PLOD2: variants seen among roughly 807,000 people sequenced by gnomAD.
PLOD2 encodes lysine hydroxylase 2.
A neutral mutation model predicts 101.0 loss-of-function variants in PLOD2; 65 were observed. The ratio of observed to expected loss-of-function variants is 0.64; its 90% CI spans 0.53 to 0.79. PLOD2 has a LOEUF of 0.79. Among genes scored for constraint, PLOD2 ranks in the 30% least tolerant of loss-of-function variants. PLOD2 has a pLI of 0.00. For synonymous variants in PLOD2, 314 were observed against 302.9 expected (o/e 1.04, Z -0.38); for missense variants, 909 against 914.6 (o/e 0.99, Z 0.08).
intron 3 of PLOD2, among the ~76,000 whole-genome samples, chr3:146,115,044 G>C (rs1576605833): frequency 6.6e-6 from 1 of 152,128 alleles, no homozygotes; most frequent in African/African-American, 2.4e-5. Flanking sequence ...TGGTTTTGCG[G>C]CTTGGGGGGC....
rs1329807553 is a variant in PLOD2, at chr3:146,095,369, A to G, written c.778-3468T>C. ...CTTAAACAAATTTACAAGAAAAAAA[A>G]AAAAACCACTCCATCAAAAAGTGGT... On this transcript the variant is annotated intron_variant, in intron 7 of 19. Coordinates refer to ENST00000282903, the MANE Select transcript of PLOD2 (RefSeq NM_182943.3). Among the ~76,000 whole-genome samples, 5 of 152,032 alleles carry G rather than the reference A, an allele frequency of 3.3e-5. No homozygotes were observed. The East Asian group carries it at 9.6e-4, about 29-fold the overall frequency.
intron 11 of PLOD2, among the ~76,000 whole-genome samples, chr3:146,083,950 G>A (rs893149504): frequency 1.3e-5 from 2 of 151,596 alleles, no homozygotes; most frequent in African/African-American, 2.4e-5. Flanking sequence ...AATACATAGT[G>A]TAAATTCATT....
intron 1 of PLOD2, among the ~76,000 whole-genome samples, chr3:146,153,878 TC>T (rs960056430): frequency 1.0e-4 from 15 of 150,076 alleles, no homozygotes; most frequent in Non-Finnish European, 1.9e-4. Context: ...CAGAGGAAAG[TC>T]CTATCTCTCA....
Position 146,073,184 on chromosome 3 carries a change from G to A in PLOD2, c.1743+103C>T, listed in dbSNP as rs995932138. 7.3e-6 allele frequency: 4 copies of A among 549,558 alleles called. No homozygotes were observed. The African/African-American group carries it at 7.7e-5, about 11-fold the overall frequency. 34.0% of individuals were successfully genotyped at this position (549,558 alleles called of 1,614,324 possible). A position where few individuals can be genotyped will look rare whatever the true frequency, so the allele number is the denominator to read the frequency against. ...GAATCAAATAAATTTTACCTAAAAG[G>A]TAGTTTCTCCACTTTCACATCTTCT... On this transcript the variant is annotated intron_variant, in intron 16 of 19. Coordinates refer to ENST00000282903, the MANE Select transcript of PLOD2 (RefSeq NM_182943.3).
Position 146,079,103 on chromosome 3 carries a change from C to T in PLOD2, c.1500+13G>A, listed in dbSNP as rs1936441627. ...ATAAGAACATTCAAGCAAGCCATCA[C>T]TGCATATCTTACCATTTCTCTAGCA... On this transcript the variant is annotated intron_variant, in intron 13 of 19. Transcript: ENST00000282903. The T allele has an allele frequency of 1.2e-6, 2 of 1,611,428 alleles. No individual in the cohort carries two copies. Among genetic ancestry groups the T allele is most frequent in the African/African-American group, 2.7e-5 (2 of 74,838 alleles).
At chr3:146,099,879 A>ATTTTTTTTT (rs1559848289) in intron 7 of PLOD2, among the ~76,000 whole-genome samples, 3 of 123,202 alleles carry the variant, frequency 2.4e-5, no homozygotes, top group African/African-American at 9.7e-5. Flanking sequence ...ACAGTGACCA[A>ATTTTTTTTT]CTTTTTTTTT....
intron 7 of PLOD2, among the ~76,000 whole-genome samples, chr3:146,098,277 A>G (rs1937273280): frequency 6.6e-6 from 1 of 152,190 alleles, no homozygotes; most frequent in Admixed American, 6.5e-5. Flanking sequence ...TTTAAAAGAA[A>G]AGGCTGAACA....
intron 15 of PLOD2, chr3:146,073,679 G>A (rs1020937712): frequency 2.0e-4 from 32 of 156,216 alleles, no homozygotes; most frequent in Admixed American, 6.5e-5. Flanking sequence ...ACCCGTGGGA[G>A]GTTAAAAACA....
chr3:146,146,136 T>G (rs1229851069), intron 1 of PLOD2, among the ~76,000 whole-genome samples: 1 of 152,196 alleles, frequency 6.6e-6, no homozygotes, highest in African/African-American at 2.4e-5. Flanking sequence ...AACTTTATAA[T>G]AGAGCTCCAC....
intron 1 of PLOD2, among the ~76,000 whole-genome samples, chr3:146,154,528 T>A (rs574616577): frequency 6.6e-5 from 10 of 151,886 alleles, no homozygotes; most frequent in Middle Eastern, 3.5e-3. Context: ...GCAAAGGTTA[T>A]CCAGTTGCTA....
rs528720321 is a variant in PLOD2, at chr3:146,102,960, T to C, written c.680-108A>G. ...GTGTGTATCATCATTACAAAATTTC[T>C]CATGGATGTAATATTCCAAGTGCTA... On this transcript the variant is annotated intron_variant, in intron 6 of 19. Transcript: ENST00000282903. The C allele has an allele frequency of 6.6e-5, 44 of 669,626 alleles. 2 individuals carry two copies. The South Asian group carries it at 6.6e-4, about 10-fold the overall frequency. The allele number at this position is 669,626 out of a possible 1,614,324, so 41.5% of individuals were successfully genotyped here.
intron 1 of PLOD2, among the ~76,000 whole-genome samples, chr3:146,138,360 T>C (rs2031352424): frequency 6.6e-6 from 1 of 150,542 alleles, no homozygotes; most frequent in African/African-American, 2.4e-5. Context: ...CAAACAAAAA[T>C]TTGCATTTAA....
At chr3:146,092,876 T>C (rs1253106032) in intron 7 of PLOD2, among the ~76,000 whole-genome samples, 1 of 152,156 alleles carries the variant, frequency 6.6e-6, no homozygotes, top group Admixed American at 6.5e-5. Context: ...CCAGTAGTGG[T>C]ATGAGCATTC....
chr3:146,079,574 G>A (rs913532335), intron 12 of PLOD2, among the ~76,000 whole-genome samples: 2 of 151,894 alleles, frequency 1.3e-5, no homozygotes, highest in Admixed American at 6.6e-5. Flanking sequence ...TATAGACGGT[G>A]TTTCTATTTA....
intron 4 of PLOD2, among the ~76,000 whole-genome samples, chr3:146,109,029 C>G (rs1011013372): frequency 2.0e-5 from 3 of 152,114 alleles, no homozygotes; most frequent in Non-Finnish European, 4.4e-5. Flanking sequence ...CATGCTCAAG[C>G]AGAGAAGTGA....
chr3:146,126,701 C>A (rs1362829104), intron 1 of PLOD2, among the ~76,000 whole-genome samples: 2 of 151,938 alleles, frequency 1.3e-5, no homozygotes, highest in African/African-American at 4.8e-5. Context: ...TGAGTTGGGA[C>A]CTGATTTGTA....
At chr3:146,147,380 T>C (rs189123882) in intron 1 of PLOD2, among the ~76,000 whole-genome samples, 5 of 151,998 alleles carry the variant, frequency 3.3e-5, no homozygotes, top group African/African-American at 1.2e-4. Context: ...ATGAACAGAG[T>C]GCAAATTGGG....
At chr3:146,155,352 A>T (rs57655223) in intron 1 of PLOD2, among the ~76,000 whole-genome samples, 48,166 of 143,820 alleles carry the variant, frequency 0.33, 7,967 homozygotes, top group South Asian at 0.43. Context: ...AATTAATTAA[A>T]TAACAGTCTC....
At chr3:146,151,754 C>G (rs939562290) in intron 1 of PLOD2, among the ~76,000 whole-genome samples, 1 of 151,858 alleles carries the variant, frequency 6.6e-6, no homozygotes, top group Admixed American at 6.6e-5. Flanking sequence ...CAATACAGAA[C>G]AGGAACTGAG....
Sources: gnomAD v4.1 joint callset for allele counts (sites outside exome capture counted in the v4.1 genomes callset) on GRCh38, gnomAD v4.1.1 for gene constraint, MANE v1.5 for transcripts, NCBI Gene and HGNC (gene_info 2026-07-23, HGNC 2026-07-21) for gene names.